PIP5K1A: variants seen among roughly 807,000 people sequenced by gnomAD.
The protein encoded by PIP5K1A is phosphatidylinositol-4-phosphate 5-kinase type 1 alpha.
Under a neutral mutation model 72.9 loss-of-function variants are expected in PIP5K1A, and 46 were observed. That is an observed-to-expected ratio of 0.63 (90% CI 0.50 to 0.81). The LOEUF (loss-of-function observed/expected upper bound fraction) is 0.81. PIP5K1A is among the 30% of genes least tolerant of loss of function. The probability of loss-of-function intolerance (pLI) is 0.00; values close to 1 mark genes in which losing one functional copy is unlikely to be tolerated. For missense variants in PIP5K1A, 458 were observed against 706.1 expected (o/e 0.65, Z 3.98); for synonymous variants, 228 against 255.1 (o/e 0.89, Z 1.01).
intron 1 of PIP5K1A, among the ~76,000 whole-genome samples, chr1:151,210,674 C>G (rs750667459): frequency 6.6e-6 from 1 of 152,130 alleles, no homozygotes; most frequent in Non-Finnish European, 1.5e-5. Context: ...AGCCTCCCGT[C>G]TCCTGGGTTC....
chr1:151,198,800 C>T lies in PIP5K1A; in HGVS notation c.-197C>T. The T allele has an allele frequency of 1.5e-6, 1 of 656,936 alleles. No individual in the cohort carries two copies. The highest frequency in any genetic ancestry group is 2.7e-6 in the Non-Finnish European group (1 of 367,766). 40.7% of individuals were successfully genotyped at this position (656,936 alleles called of 1,614,324 possible). A position where few individuals can be genotyped will look rare whatever the true frequency, so the allele number is the denominator to read the frequency against. ...GGGGGTGCGGGACGTGAGTTCTTCC[C>T]CATGCCAGGCGAATGGTGTGGCCTT... On this transcript the variant is annotated 5_prime_UTR_variant, in exon 1 of 16. Transcript: ENST00000368888.
intron 8 of PIP5K1A, among the ~76,000 whole-genome samples, 172 bp downstream of exon 8, chr1:151,234,668 C>G (rs1256981173): frequency 1.3e-5 from 2 of 152,172 alleles, no homozygotes; most frequent in African/African-American, 4.8e-5. Context: ...TTTACTTTCT[C>G]CCCGTTTATC....
rs144213904 is a variant in PIP5K1A, at chr1:151,235,541, G to C, written c.940-1017G>C. On this transcript the variant is annotated intron_variant, in intron 8 of 15. Transcript: ENST00000368888. ...CTCTCTTTAATATCTTTATATCTCT[G>C]TAAGGAGGCACAGTGCCTACATGGT... Among the ~76,000 whole-genome samples, 44 of 152,262 alleles carry C rather than the reference G, an allele frequency of 2.9e-4. No homozygotes were observed. The East Asian group carries it at 8.3e-3, about 29-fold the overall frequency.
chr1:151,202,973 T>C (rs1304608511), intron 1 of PIP5K1A, among the ~76,000 whole-genome samples: 1 of 152,042 alleles, frequency 6.6e-6, no homozygotes, highest in Non-Finnish European at 1.5e-5. Context: ...TTCACCATGT[T>C]AGTCAGGCTG....
At chr1:151,247,592 A>AT (rs1692695451) in intron 15 of PIP5K1A, among the ~76,000 whole-genome samples, 1 of 151,872 alleles carries the variant, frequency 6.6e-6, no homozygotes, top group Admixed American at 6.6e-5. Flanking sequence ...TGCCCGGCTA[A>AT]TTTTTTGTAT....
intron 13 of PIP5K1A, 63 bp downstream of exon 13, chr1:151,242,332 A>G (rs188753456): frequency 4.6e-5 from 74 of 1,604,142 alleles, no homozygotes; most frequent in East Asian, 3.4e-4. Context: ...CTGAGCCTTT[A>G]TCTTGTCTGG....
chr1:151,199,253 TAA>T (rs1334949711), intron 1 of PIP5K1A, 172 bp downstream of exon 1: 1 of 1,277,648 alleles, frequency 7.8e-7, no homozygotes, highest in African/African-American at 1.5e-5. Flanking sequence ...GAGGAAAGGA[TAA>T]GTTTGATTAA....
At chr1:151,206,424 A>G (rs1685934877) in intron 1 of PIP5K1A, among the ~76,000 whole-genome samples, 1 of 152,160 alleles carries the variant, frequency 6.6e-6, no homozygotes, top group Non-Finnish European at 1.5e-5. Flanking sequence ...GCTGTCCAAA[A>G]AGATTAGAGA....
At chr1:151,235,764 G>C (rs1005337892) in intron 8 of PIP5K1A, among the ~76,000 whole-genome samples, 7 of 152,296 alleles carry the variant, frequency 4.6e-5, no homozygotes, top group African/African-American at 1.7e-4. Flanking sequence ...GGTCTTGTGG[G>C]CTAGGCAGTG....
intron 1 of PIP5K1A, among the ~76,000 whole-genome samples, chr1:151,206,700 G>A (rs1001250388): frequency 5.3e-5 from 8 of 152,084 alleles, no homozygotes; most frequent in African/African-American, 1.9e-4. Context: ...CAAGAAGCTG[G>A]GACTACAGGC....
intron 4 of PIP5K1A, among the ~76,000 whole-genome samples, chr1:151,228,695 G>A (rs1689527235): frequency 6.6e-6 from 1 of 152,080 alleles, no homozygotes; most frequent in Non-Finnish European, 1.5e-5. Flanking sequence ...TTTAGCATCT[G>A]TGGTTTGTCT....
At chr1:151,197,947 G>C, upstream of PIP5K1A, 1 of 425,570 alleles carries the variant, frequency 2.3e-6, no homozygotes, top group South Asian at 1.7e-5. Context: ...TAAAGGGGTT[G>C]GGTCGCGGGA....
intron 6 of PIP5K1A, 86 bp from the exon 7 acceptor site, chr1:151,232,465 G>T: frequency 6.6e-7 from 1 of 1,516,708 alleles, no homozygotes; most frequent in South Asian, 1.1e-5. Flanking sequence ...TTTTTATTTA[G>T]AAAAGAATTG....
At chr1:151,224,498 A>T in intron 3 of PIP5K1A, 92 bp downstream of exon 3, 1 of 925,374 alleles carries the variant, frequency 1.1e-6, no homozygotes, top group Non-Finnish European at 1.7e-6. Flanking sequence ...TAATGTACCA[A>T]ATGCAATATA....
At chr1:151,221,281 T>G (rs1426178032) in intron 1 of PIP5K1A, among the ~76,000 whole-genome samples, 1 of 152,054 alleles carries the variant, frequency 6.6e-6, no homozygotes, top group African/African-American at 2.4e-5. Flanking sequence ...TAAAGAGAAA[T>G]GAGAGAATGT....
chr1:151,239,795 T>A (rs1413274792), intron 11 of PIP5K1A, among the ~76,000 whole-genome samples, 160 bp from the exon 12 acceptor site: 1 of 152,162 alleles, frequency 6.6e-6, no homozygotes, highest in Non-Finnish European at 1.5e-5. Context: ...CCCAAAATGC[T>A]AGGATTACAG....
At chr1:151,230,841 C>T (rs956257791) in intron 4 of PIP5K1A, among the ~76,000 whole-genome samples, 1 of 152,210 alleles carries the variant, frequency 6.6e-6, no homozygotes, top group Admixed American at 6.5e-5. Flanking sequence ...CCCGCGCCCA[C>T]CCCACCCTGT....
chr1:151,244,340 A>G (rs1393824115), intron 14 of PIP5K1A, among the ~76,000 whole-genome samples: 3 of 152,218 alleles, frequency 2.0e-5, no homozygotes, highest in African/African-American at 7.2e-5. Flanking sequence ...GTTATCATAA[A>G]TAATCTAGGA....
chr1:151,200,906 T>TGCAA (rs1685131357), intron 1 of PIP5K1A, among the ~76,000 whole-genome samples: 1 of 152,148 alleles, frequency 6.6e-6, no homozygotes. Context: ...CTCGGCTCAC[T>TGCAA]GCAAGCTCTG....
Sources: allele counts gnomAD v4.1 joint callset (sites outside exome capture counted in the v4.1 genomes callset), GRCh38; gene constraint gnomAD v4.1.1; transcripts MANE v1.5; gene names NCBI Gene and HGNC (gene_info 2026-07-23, HGNC 2026-07-21).